RWDD2B: variants seen among roughly 807,000 people sequenced by gnomAD.
RWDD2B encodes RWD domain containing 2B, also known as RWD domain-containing protein 2B.
Under a neutral mutation model 33.6 loss-of-function variants are expected in RWDD2B, and 36 were observed. The observed-to-expected ratio is 1.07, with a 90% CI of 0.82 to 1.42. The LOEUF is 1.42. RWDD2B is among the 40% of genes most tolerant of loss of function. The probability of loss-of-function intolerance (pLI) is 0.00; values close to 1 mark genes in which losing one functional copy is unlikely to be tolerated. For synonymous variants in RWDD2B, 126 were observed against 133.1 expected, an observed-to-expected ratio of 0.95 and a Z score of 0.37; for missense variants, 364 against 377.5, an observed-to-expected ratio of 0.96 and a Z score of 0.30.
At chr21:29,009,092 T>G (rs2084844182) in intron 1 of RWDD2B, among the ~76,000 whole-genome samples, 1 of 152,172 alleles carries the variant, frequency 6.6e-6, no homozygotes, top group Non-Finnish European at 1.5e-5. Context: ...TATTAATGTT[T>G]ATTAGGTTTT....
Position 29,006,254 on chromosome 21 carries a change from A to C in RWDD2B, c.*163T>G. On this transcript the variant is annotated 3_prime_UTR_variant, in exon 5 of 5. Transcript: ENST00000493196. ...AAACTCAGTTCTGCTTTCAATCATG[A>C]CATTTTTAACAGATGCATTTCAGCT... The C allele has an allele frequency of 2.0e-6, 1 of 502,548 alleles. No homozygotes were observed. 31.1% of individuals were successfully genotyped at this position (502,548 alleles called of 1,614,324 possible). A position where few individuals can be genotyped will look rare whatever the true frequency, so the allele number is the denominator to read the frequency against.
rs1197342128 is a variant in RWDD2B at position 29,006,493 on chromosome 21, C to T, written c.884G>A (p.Gly295Asp). ...NGARGNHMDF[G>D]QLYQFLNTKG... ...GGTGTTTAAGAACTGATAGAGCTGACCAAAGTCCATGTGGTTTCCCCTGGC... is the reference window on the plus strand; with the variant it reads ...GGTGTTTAAGAACTGATAGAGCTGATCAAAGTCCATGTGGTTTCCCCTGGC... Residue 295 changes from glycine to aspartate, a missense_variant, in exon 5 of 5, where the codon GGT (glycine) becomes GAT (aspartate). Transcript: ENST00000493196. 2 of 1,614,000 alleles carry T rather than the reference C, an allele frequency of 1.2e-6. No individual in the cohort carries two copies. Among genetic ancestry groups the T allele is most frequent in the East Asian group, 2.2e-5 (1 of 44,880 alleles).
intron 1 of RWDD2B, among the ~76,000 whole-genome samples, chr21:29,009,348 G>T (rs1365759818): frequency 6.6e-6 from 1 of 150,390 alleles, no homozygotes; most frequent in East Asian, 2.0e-4. Flanking sequence ...GCCTCCCAAA[G>T]TGCTAGCATT....
rs1375834991 is a variant in RWDD2B at position 29,004,449 on chromosome 21, TATA to T, written c.*1965_*1967del. Reference sequence around the variant, plus strand: ...TTATACATAGCAATCTGGTTTTTAATATAATGTAGAGAGACTGAAAAAGTTTTA... The same window carrying T: ...TTATACATAGCAATCTGGTTTTTAATATGTAGAGAGACTGAAAAAGTTTTA... On this transcript the variant is annotated 3_prime_UTR_variant, in exon 5 of 5. Coordinates refer to ENST00000493196, the MANE Select transcript of RWDD2B (RefSeq NM_016940.3). 1.3e-5 allele frequency: 2 copies of T among 152,258 alleles called. No homozygotes were observed. The highest frequency in any genetic ancestry group is 2.9e-5 in the Non-Finnish European group (2 of 68,040). The allele number at this position is 152,258 out of a possible 1,614,324, so 9.4% of individuals were successfully genotyped here. A position where few individuals can be genotyped will look rare whatever the true frequency, so the allele number is the denominator to read the frequency against.
chr21:29,008,359 CAT>C, intron 2 of RWDD2B, 34 bp downstream of exon 2: 1 of 1,612,306 alleles, frequency 6.2e-7, no homozygotes. Flanking sequence ...TAAGTCTCAA[CAT>C]GTTTCAATCC....
Position 29,007,760 on chromosome 21 carries a change from C to T in RWDD2B, c.725+1G>A, listed in dbSNP as rs1353818396. The T allele has an allele frequency of 6.2e-7, 1 of 1,611,098 alleles. No individual in the cohort carries two copies. Among genetic ancestry groups the T allele is most frequent in the East Asian group, 2.2e-5 (1 of 44,876 alleles). On this transcript the variant is annotated splice_donor_variant, in intron 4 of 4. Transcript: ENST00000493196. LOFTEE classifies it high-confidence loss of function. ...CTTCATATACATATGTAAAAGCAAA[C>T]CTTGACCAGAATTCTTCACAGGCAC... is the stretch of plus-strand genomic sequence containing the variant.
At chr21:29,007,623 G>A (rs771285633) in intron 4 of RWDD2B, 138 bp downstream of exon 4, 11 of 842,230 alleles carry the variant, frequency 1.3e-5, no homozygotes, top group Non-Finnish European at 2.0e-5. Flanking sequence ...TTCTATATGT[G>A]CTCCATTATA....
intron 1 of RWDD2B, 66 bp downstream of exon 1, chr21:29,019,145 C>G: frequency 1.5e-6 from 2 of 1,345,000 alleles, no homozygotes; most frequent in Non-Finnish European, 2.1e-6. Context: ...AAGGGTTGCA[C>G]TGGGCGCTGC....
In RWDD2B at chr21:29,008,668, A is replaced by C. The variant is rs774657359; in HGVS notation, c.68-47T>G. 3 of 1,282,730 alleles carry C rather than the reference A, an allele frequency of 2.3e-6. No individual in the cohort carries two copies. The South Asian group carries it at 3.8e-5, about 16-fold the overall frequency. 79.5% of individuals were successfully genotyped at this position (1,282,730 alleles called of 1,614,324 possible). ...AGACAATTTACATATGCAATCTTGGAAGAAATGAATACATCAACATGTGTA... is the reference window on the plus strand; with the variant it reads ...AGACAATTTACATATGCAATCTTGGCAGAAATGAATACATCAACATGTGTA... On this transcript the variant is annotated intron_variant, in intron 1 of 4. Coordinates refer to ENST00000493196, the MANE Select transcript of RWDD2B (RefSeq NM_016940.3).
At position 29,005,922 on chromosome 21, in the gene RWDD2B, G is replaced by A. The variant is rs73901167; in HGVS notation, c.*495C>T. On this transcript the variant is annotated 3_prime_UTR_variant, in exon 5 of 5. Transcript: ENST00000493196. ...CTCCAGTCATCACTTTGGTGTTTAT[G>A]GCAGTAAGGGGGGGAGGAGGTGGCC... 3,146 of 152,844 alleles carry A rather than the reference G, an allele frequency of 0.021. 113 individuals are homozygous for A. Among genetic ancestry groups the A allele is most frequent in the African/African-American group, 0.071 (2,965 of 41,494 alleles). 9.5% of individuals were successfully genotyped at this position (152,844 alleles called of 1,614,324 possible). A position where few individuals can be genotyped will look rare whatever the true frequency, so the allele number is the denominator to read the frequency against.
At chr21:29,016,305 C>A (rs745417642) in intron 1 of RWDD2B, among the ~76,000 whole-genome samples, 1 of 151,856 alleles carries the variant, frequency 6.6e-6, no homozygotes. Context: ...GCTCTTGTTG[C>A]CCAGGCTGGA....
Position 29,006,093 on chromosome 21 carries a change from G to A in RWDD2B, c.*324C>T, listed in dbSNP as rs1467184693. 1.1e-5 allele frequency: 2 copies of A among 189,442 alleles called. No individual in the cohort carries two copies. The highest frequency in any genetic ancestry group is 4.7e-5 in the African/African-American group (2 of 42,450). The allele number at this position is 189,442 out of a possible 1,614,324, so 11.7% of individuals were successfully genotyped here. A position where few individuals can be genotyped will look rare whatever the true frequency, so the allele number is the denominator to read the frequency against. On this transcript the variant is annotated 3_prime_UTR_variant, in exon 5 of 5. Coordinates refer to ENST00000493196, the MANE Select transcript of RWDD2B (RefSeq NM_016940.3). ...AGCTTTTCTGGGTTCTTTAGTGAAG[G>A]CAGGTAAGGGAGAAGGGGGTTGGGA...
chr21:29,011,610 G>C (rs1270531573), intron 1 of RWDD2B, among the ~76,000 whole-genome samples: 1 of 144,444 alleles, frequency 6.9e-6, no homozygotes, highest in Admixed American at 6.8e-5. Flanking sequence ...CCCCCCACCC[G>C]GCCAGCCGCC....
rs1195244817 is a variant in RWDD2B, at chr21:29,006,463, C to T, written c.914G>A (p.Gly305Glu). 2 of 1,613,902 alleles carry T rather than the reference C, an allele frequency of 1.2e-6. No individual in the cohort carries two copies. Among genetic ancestry groups the T allele is most frequent in the Non-Finnish European group, 8.5e-7 (1 of 1,179,840 alleles). Reference sequence around the variant, plus strand: ...GAACATCTGGAAAACATCCCCACATCCTTTGGTGTTTAAGAACTGATAGAG... The same window carrying T: ...GAACATCTGGAAAACATCCCCACATTCTTTGGTGTTTAAGAACTGATAGAG... ...GQLYQFLNTK[G>E]CGDVFQMFFG... is the part of the protein sequence containing the mutation. Residue 305 changes from glycine to glutamate, a missense_variant, in exon 5 of 5, where the codon GGA becomes GAA. Coordinates refer to ENST00000493196, the MANE Select transcript of RWDD2B (RefSeq NM_016940.3).
At chr21:29,016,516 G>C (rs2084891058) in intron 1 of RWDD2B, among the ~76,000 whole-genome samples, 1 of 151,282 alleles carries the variant, frequency 6.6e-6, no homozygotes, top group African/African-American at 2.4e-5. Flanking sequence ...CACCCGCCTT[G>C]GCCTCCCAGA....
Position 29,019,328 on chromosome 21 carries a change from C to T in RWDD2B, c.-51G>A. 7.3e-7 allele frequency: 1 copy of T among 1,366,168 alleles called. No homozygotes were observed. Among genetic ancestry groups the T allele is most frequent in the Non-Finnish European group, 1.0e-6 (1 of 988,498 alleles). The allele number at this position is 1,366,168 out of a possible 1,614,324, so 84.6% of individuals were successfully genotyped here. A position where few individuals can be genotyped will look rare whatever the true frequency, so the allele number is the denominator to read the frequency against. ...ATACTGCGACCCAAAACTTACAAAC[C>T]GCCTCAGCTGGCGACCTACCGGAAA... On this transcript the variant is annotated 5_prime_UTR_variant, in exon 1 of 5. Coordinates refer to ENST00000493196, the MANE Select transcript of RWDD2B (RefSeq NM_016940.3).
At chr21:29,007,180 G>A (rs915319706) in intron 4 of RWDD2B, among the ~76,000 whole-genome samples, 2 of 152,230 alleles carry the variant, frequency 1.3e-5, no homozygotes, top group Admixed American at 1.3e-4. Flanking sequence ...TCACTAAAAT[G>A]AGGGAAGGAC....
intron 1 of RWDD2B, among the ~76,000 whole-genome samples, chr21:29,011,830 C>T (rs1451006074): frequency 4.3e-4 from 57 of 132,374 alleles, no homozygotes; most frequent in Admixed American, 8.4e-4. Flanking sequence ...TCTGCCCGGC[C>T]GCCCCTACTG....
intron 1 of RWDD2B, among the ~76,000 whole-genome samples, chr21:29,014,871 T>C (rs967485119): frequency 1.3e-5 from 2 of 151,966 alleles, no homozygotes; most frequent in Non-Finnish European, 2.9e-5. Context: ...GTCTAAATTA[T>C]ATTTCTTTAA....
Sources: allele counts gnomAD v4.1 joint callset (sites outside exome capture counted in the v4.1 genomes callset), GRCh38; gene constraint gnomAD v4.1.1; transcripts MANE v1.5; gene names NCBI Gene and HGNC (gene_info 2026-07-23, HGNC 2026-07-21).